The following CTNNA2 variants were observed in gnomAD, a reference collection of about 807,000 sequenced individuals.
CTNNA2 encodes catenin alpha-2.
In CTNNA2, 42 loss-of-function variants were observed where a neutral mutation model predicts 101.0. The ratio of observed to expected loss-of-function variants is 0.42; its 90% CI spans 0.32 to 0.54. The LOEUF (loss-of-function observed/expected upper bound fraction) is 0.54, where lower values mean the gene tolerates loss of function less well. Ranked by LOEUF, CTNNA2 falls within the 20% of genes least tolerant of loss-of-function variation. The pLI, the probability that CTNNA2 is intolerant of heterozygous loss-of-function variation, is 0.14. For synonymous variants in CTNNA2, 450 were observed against 456.4 expected (o/e 0.99, Z 0.18); for missense variants, 871 against 1,223.1 (o/e 0.71, Z 4.29).
chr2:79,845,749 C>T (rs1443396166), intron 3 of CTNNA2, among the ~76,000 whole-genome samples: 1 of 152,118 alleles, frequency 6.6e-6, no homozygotes, highest in Non-Finnish European at 1.5e-5. Context: ...TTTTTAGTTA[C>T]CTTAAATCAA....
intron 2 of CTNNA2, chr2:79,687,864 T>C (rs1003234281): frequency 8.1e-6 from 3 of 370,382 alleles, no homozygotes; most frequent in African/African-American, 6.4e-5. Flanking sequence ...AGGATGAATG[T>C]CCCGGAATAG....
At chr2:79,465,400 T>G (rs1288840426) in intron 4 of CTNNA2, among the ~76,000 whole-genome samples, 1 of 152,222 alleles carries the variant, frequency 6.6e-6, no homozygotes, top group Non-Finnish European at 1.5e-5. Flanking sequence ...GTAGTATAGT[T>G]TGAAGTCAGG....
intron 7 of CTNNA2, among the ~76,000 whole-genome samples, chr2:80,315,149 G>A (rs1677982426): frequency 6.6e-6 from 1 of 152,004 alleles, no homozygotes; most frequent in Admixed American, 6.6e-5. Context: ...AGAAAAGGAG[G>A]GAAAATAATC....
Position 80,338,362 on chromosome 2 carries a change from G to A in CTNNA2, c.1057-54849G>A, listed in dbSNP as rs1371487341. Reference sequence around the variant, plus strand: ...GGGAGGGGAGAAAGGATTAAAAGAGGGAATATTCTGGAAGTCTTTCTGTGG... The same window carrying A: ...GGGAGGGGAGAAAGGATTAAAAGAGAGAATATTCTGGAAGTCTTTCTGTGG... On this transcript the variant is annotated intron_variant, in intron 7 of 18. Coordinates refer to ENST00000402739, the MANE Select transcript of CTNNA2 (RefSeq NM_001282597.3). 1.3e-3 allele frequency among the ~76,000 whole-genome samples: 204 copies of A among 151,312 alleles called. 3 individuals carry two copies. The highest frequency in any genetic ancestry group is 2.7e-4 in the Non-Finnish European group (18 of 67,876).
At chr2:79,254,146 C>T (rs1333273313) in intron 2 of CTNNA2, among the ~76,000 whole-genome samples, 1 of 152,182 alleles carries the variant, frequency 6.6e-6, no homozygotes, top group African/African-American at 2.4e-5. Context: ...AAACCAGGAA[C>T]TATTGGATCC....
chr2:79,644,008 C>T lies in CTNNA2; in HGVS notation c.-5-7544C>T, dbSNP rs149942629. Among the ~76,000 whole-genome samples, 53 of 152,138 alleles carry T rather than the reference C, an allele frequency of 3.5e-4. No homozygotes were observed. The Middle Eastern group carries it at 0.01, about 29-fold the overall frequency. On this transcript the variant is annotated intron_variant, in intron 1 of 18. Coordinates refer to ENST00000402739, the MANE Select transcript of CTNNA2 (RefSeq NM_001282597.3). ...GTATCTCTATCATGTTCTCTTCCAC[C>T]GATAGCCAGGAGAAAGATCTGATTT... is the stretch of plus-strand genomic sequence containing the variant.
rs772741107 is a variant in CTNNA2 at position 79,813,834 on chromosome 2, T to C, written c.299-44179T>C. On this transcript the variant is annotated intron_variant, in intron 3 of 18. Transcript: ENST00000402739. ...AGAGTTTGCATGACAATGATATAAATGGGATACTTTAAAACAACAGAAATA... is the reference window on the plus strand; with the variant it reads ...AGAGTTTGCATGACAATGATATAAACGGGATACTTTAAAACAACAGAAATA... Among the ~76,000 whole-genome samples, 10 of 152,194 alleles carry C rather than the reference T, an allele frequency of 6.6e-5. 1 individual carries two copies. Among genetic ancestry groups the C allele is most frequent in the Non-Finnish European group, 1.3e-4 (9 of 68,036 alleles).
chr2:80,172,663 G>A (rs568391772), intron 7 of CTNNA2, among the ~76,000 whole-genome samples: 23 of 152,316 alleles, frequency 1.5e-4, no homozygotes, highest in African/African-American at 5.5e-4. Flanking sequence ...CTAGAGGCCA[G>A]AAGTCTGAGA....
rs182637702 is a variant in CTNNA2 at position 79,714,126 on chromosome 2, G to A, written c.103-30261G>A. 7.2e-3 allele frequency among the ~76,000 whole-genome samples: 1,099 copies of A among 152,172 alleles called. 42 individuals carry two copies. The highest frequency in any genetic ancestry group is 0.062 in the Admixed American group (950 of 15,270). On this transcript the variant is annotated intron_variant, in intron 2 of 18. Transcript: ENST00000402739. The stretch of plus-strand genomic sequence containing the variant: ...ATACAGCCTTGCCTTTCCTCCAACA[G>A]GGCTCATTTCCAAACATGAGTTATA...
At chr2:80,297,521 G>A (rs1260514392) in intron 7 of CTNNA2, among the ~76,000 whole-genome samples, 5 of 152,084 alleles carry the variant, frequency 3.3e-5, no homozygotes, top group Non-Finnish European at 7.4e-5. Context: ...CAATTGCCAG[G>A]CCCTTCACTT....
intron 1 of CTNNA2, among the ~76,000 whole-genome samples, chr2:79,586,056 G>A (rs970278884): frequency 1.3e-5 from 2 of 152,142 alleles, no homozygotes; most frequent in Non-Finnish European, 2.9e-5. Context: ...AAGTGTCGAT[G>A]TTAGTCTGAA....
At chr2:80,531,736 T>C (rs553713984) in intron 9 of CTNNA2, among the ~76,000 whole-genome samples, 1 of 152,350 alleles carries the variant, frequency 6.6e-6, no homozygotes, top group East Asian at 1.9e-4. Context: ...TTTTATTCTT[T>C]AAGAACCTGT....
chr2:80,584,889 A>G (rs946509898), intron 14 of CTNNA2, among the ~76,000 whole-genome samples: 7 of 152,306 alleles, frequency 4.6e-5, no homozygotes, highest in Middle Eastern at 6.8e-3. Flanking sequence ...GAGTTGGATC[A>G]TTCAGGCAAT....
rs145512760 is a variant in CTNNA2 at position 80,185,425 on chromosome 2, T to C, written c.1057-207786T>C. On this transcript the variant is annotated intron_variant, in intron 7 of 18. Transcript: ENST00000402739. ...TGTTGATTAGAAGCTAATTACTAAG[T>C]CCAGCCCACACTCAGGAAAAGGAAT... 1.6e-3 allele frequency among the ~76,000 whole-genome samples: 239 copies of C among 152,232 alleles called. 1 individual carries two copies. The highest frequency in any genetic ancestry group is 5.4e-3 in the African/African-American group (224 of 41,556).
intron 4 of CTNNA2, among the ~76,000 whole-genome samples, chr2:79,450,134 A>G (rs965127251): frequency 1.3e-5 from 2 of 151,918 alleles, no homozygotes; most frequent in African/African-American, 4.8e-5. Flanking sequence ...AGAGAGGCCC[A>G]CTAAAGCTAG....
chr2:79,853,670 C>CT (rs10607231), intron 3 of CTNNA2, among the ~76,000 whole-genome samples: 61 of 129,926 alleles, frequency 4.7e-4, no homozygotes, highest in South Asian at 7.8e-4. Flanking sequence ...TATTATTTTT[C>CT]TTTTTTTTTT....
At chr2:80,208,402 G>A (rs1707665830) in intron 7 of CTNNA2, among the ~76,000 whole-genome samples, 1 of 152,152 alleles carries the variant, frequency 6.6e-6, no homozygotes, top group South Asian at 2.1e-4. Context: ...TTTGAGGTAG[G>A]AGAGCTTCAG....
chr2:80,215,057 C>A (rs1243777830), intron 7 of CTNNA2, among the ~76,000 whole-genome samples: 3 of 152,126 alleles, frequency 2.0e-5, no homozygotes, highest in Non-Finnish European at 2.9e-5. Flanking sequence ...ATCGGCTACT[C>A]AAGCTTATGC....
intron 3 of CTNNA2, among the ~76,000 whole-genome samples, chr2:79,814,606 T>TAC (rs1491289274): frequency 9.8e-6 from 1 of 102,084 alleles, no homozygotes; most frequent in East Asian, 3.4e-4. Flanking sequence ...TATATGTGTG[T>TAC]ATACACACAC....
Sources: gnomAD v4.1 joint callset for allele counts (sites outside exome capture counted in the v4.1 genomes callset) on GRCh38, gnomAD v4.1.1 for gene constraint, MANE v1.5 for transcripts, NCBI Gene and HGNC (gene_info 2026-07-23, HGNC 2026-07-21) for gene names.